Variants in HERC4 observed in about 807,000 individuals in gnomAD.
HERC4 encodes the protein probable E3 ubiquitin-protein ligase HERC4.
Under a neutral mutation model 124.3 loss-of-function variants are expected in HERC4, and 28 were observed. That is an observed-to-expected ratio of 0.23 (90% confidence interval 0.17 to 0.31). HERC4 has a LOEUF of 0.31. Ranked by LOEUF, HERC4 falls within the 10% of genes least tolerant of loss-of-function variation. The pLI, the probability that HERC4 is intolerant of heterozygous loss-of-function variation, is 1.00. For missense variants in HERC4, 713 were observed against 1,229.3 expected, an observed-to-expected ratio of 0.58 and a Z score of 6.28; for synonymous variants, 407 against 421.5, an observed-to-expected ratio of 0.97 and a Z score of 0.42.
chr10:68,057,173 A>G (rs140850588), intron 3 of HERC4, among the ~76,000 whole-genome samples: 1,530 of 152,330 alleles, frequency 0.01, 11 homozygotes, highest in Non-Finnish European at 0.016. Context: ...CAAGCACTGT[A>G]TAACAGTGGG....
chr10:68,018,307 AAAC>A (rs2038388592), intron 8 of HERC4, among the ~76,000 whole-genome samples: 1 of 152,150 alleles, frequency 6.6e-6, no homozygotes, highest in Admixed American at 6.5e-5. Flanking sequence ...AATACAGAAA[AAAC>A]AACATTAAAA....
chr10:68,001,687 C>T (rs1295773974), intron 9 of HERC4, among the ~76,000 whole-genome samples: 1 of 152,150 alleles, frequency 6.6e-6, no homozygotes, highest in African/African-American at 2.4e-5. Context: ...ACTTCATCTT[C>T]TAAAACAGAA....
chr10:67,978,531 G>A (rs2035736675), intron 15 of HERC4, among the ~76,000 whole-genome samples: 2 of 152,224 alleles, frequency 1.3e-5, no homozygotes, highest in Admixed American at 6.5e-5. Context: ...GTCACCAAGG[G>A]CCTGGGGAAA....
intron 14 of HERC4, among the ~76,000 whole-genome samples, chr10:67,989,686 T>G (rs34144591): frequency 6.6e-5 from 10 of 151,946 alleles, no homozygotes; most frequent in South Asian, 2.1e-4. Flanking sequence ...TTAGAAAAAT[T>G]AAAGTGAGAA....
At chr10:68,008,918 C>T (rs529217371) in intron 9 of HERC4, among the ~76,000 whole-genome samples, 3 of 152,152 alleles carry the variant, frequency 2.0e-5, no homozygotes, top group African/African-American at 4.8e-5. Flanking sequence ...TCATAGTGCA[C>T]ATAAAAGTAT....
intron 23 of HERC4, among the ~76,000 whole-genome samples, chr10:67,926,198 C>T (rs561247705): frequency 2.6e-4 from 39 of 152,230 alleles, no homozygotes; most frequent in Non-Finnish European, 4.4e-4. Flanking sequence ...AGTTCCAGAC[C>T]AGCCTGGCCA....
chr10:68,044,629 C>T (rs1398418378), intron 3 of HERC4, 66 bp from the exon 4 acceptor site: 3 of 1,449,198 alleles, frequency 2.1e-6, no homozygotes, highest in African/African-American at 1.4e-5. Context: ...ATATTGCATT[C>T]TAGTTTTGAA....
intron 3 of HERC4, among the ~76,000 whole-genome samples, chr10:68,063,106 T>C (rs1468257372): frequency 1.3e-5 from 2 of 151,438 alleles, no homozygotes; most frequent in African/African-American, 2.4e-5. Context: ...CATATTTTAA[T>C]TGCCTTTCTA....
intron 4 of HERC4, chr10:68,039,539 A>G (rs961730113): frequency 1.3e-5 from 20 of 1,544,976 alleles, no homozygotes; most frequent in South Asian, 1.2e-5. Context: ...CTCTGATTCC[A>G]TATTATTGTA....
intron 1 of HERC4, chr10:68,074,090 A>C (rs1180137578): frequency 2.0e-5 from 3 of 152,200 alleles, no homozygotes; most frequent in Non-Finnish European, 4.4e-5. Flanking sequence ...TTTCAAGAAT[A>C]GGAATGGATA....
intron 4 of HERC4, chr10:68,039,659 A>C (rs2039662371): frequency 7.3e-7 from 1 of 1,362,590 alleles, no homozygotes; most frequent in Admixed American, 3.0e-5. Context: ...ATGCACCTTC[A>C]AATTTTCAAA....
At chr10:68,061,818 T>C (rs539821154) in intron 3 of HERC4, among the ~76,000 whole-genome samples, 7 of 137,032 alleles carry the variant, frequency 5.1e-5, no homozygotes, top group African/African-American at 2.0e-4. Context: ...GAGGCGGAGG[T>C]TGCAGTGAGC....
At chr10:67,930,018 G>C (rs1267054431) in intron 23 of HERC4, among the ~76,000 whole-genome samples, 1 of 151,606 alleles carries the variant, frequency 6.6e-6, no homozygotes, top group Non-Finnish European at 1.5e-5. Context: ...GTTGGTCAGG[G>C]TGGTCTTGAA....
At chr10:68,010,449 C>G (rs929476721) in intron 9 of HERC4, 2 of 940,074 alleles carry the variant, frequency 2.1e-6, no homozygotes, top group Non-Finnish European at 3.4e-6. Flanking sequence ...GCCCTTCTGG[C>G]GCCAATTACA....
chr10:67,966,344 G>C, intron 16 of HERC4: 1 of 228,760 alleles, frequency 4.4e-6, no homozygotes. Flanking sequence ...CCAGTATGAA[G>C]AATGCCAGTA....
intron 3 of HERC4, among the ~76,000 whole-genome samples, chr10:68,050,309 T>C (rs892777384): frequency 4.6e-5 from 7 of 152,230 alleles, no homozygotes; most frequent in African/African-American, 1.4e-4. Flanking sequence ...ATTGCTTTGA[T>C]GTTTGAACCA....
At chr10:67,960,957 G>T in intron 16 of HERC4, 1 of 352,820 alleles carries the variant, frequency 2.8e-6, no homozygotes, top group South Asian at 2.5e-5. Context: ...TGAACCTCTT[G>T]GATCATGATT....
At chr10:68,053,510 C>T (rs1018025905) in intron 3 of HERC4, among the ~76,000 whole-genome samples, 1 of 151,944 alleles carries the variant, frequency 6.6e-6, no homozygotes, top group Non-Finnish European at 1.5e-5. Context: ...CCCTATTTTG[C>T]CCAGGCTAGT....
chr10:67,990,081 A>C (rs1003547015), intron 14 of HERC4, 130 bp downstream of exon 14: 4 of 643,302 alleles, frequency 6.2e-6, no homozygotes, highest in Admixed American at 7.0e-5. Flanking sequence ...GAAAAGGAAA[A>C]ACAGGTTCAT....
Sources: allele counts gnomAD v4.1 joint callset (sites outside exome capture counted in the v4.1 genomes callset), GRCh38; gene constraint gnomAD v4.1.1; transcripts MANE v1.5; gene names NCBI Gene and HGNC (gene_info 2026-07-23, HGNC 2026-07-21).